The following PCDHGA3 variants were observed in gnomAD, a reference collection of about 807,000 sequenced individuals.
The protein encoded by PCDHGA3 is protocadherin gamma-A3.
In PCDHGA3, 40 loss-of-function variants were observed where a neutral mutation model predicts 58.5. That is an observed-to-expected ratio of 0.68 (90% CI 0.53 to 0.89). The LOEUF (loss-of-function observed/expected upper bound fraction) is 0.89, where lower values mean the gene tolerates loss of function less well. PCDHGA3 is among the 40% of genes least tolerant of loss of function. The probability of loss-of-function intolerance (pLI) is 0.00; values close to 1 mark genes in which losing one functional copy is unlikely to be tolerated. For synonymous variants in PCDHGA3, 530 were observed against 525.7 expected (o/e 1.01, Z -0.11); for missense variants, 1,223 against 1,195.9 (o/e 1.02, Z -0.33).
At chr5:141,420,046 A>G (rs772981030) in intron 1 of PCDHGA3, 6 of 1,614,048 alleles carry the variant, frequency 3.7e-6, no homozygotes, top group South Asian at 1.1e-5. Context: ...GCTTTGAGTC[A>G]GTTCTCTGCT....
intron 1 of PCDHGA3, among the ~76,000 whole-genome samples, chr5:141,469,108 C>A (rs923728484): frequency 4.0e-5 from 6 of 151,768 alleles, no homozygotes; most frequent in Non-Finnish European, 5.9e-5. Context: ...AAGAACCTGT[C>A]TCTAAAAAAA....
intron 1 of PCDHGA3, chr5:141,421,377 C>T (rs1168242339): frequency 1.9e-6 from 3 of 1,613,924 alleles, no homozygotes; most frequent in South Asian, 1.1e-5. Context: ...GCAATATCTC[C>T]AAGGACCTGG....
Position 141,364,556 on chromosome 5 carries a change from G to A in PCDHGA3, c.2424+18099G>A, listed in dbSNP as rs917886359. On this transcript the variant is annotated intron_variant, in intron 1 of 3. Coordinates refer to ENST00000253812, the MANE Select transcript of PCDHGA3 (RefSeq NM_018916.4). The stretch of plus-strand genomic sequence containing the variant: ...CTCCAGAGGTAGGACGCAGCTTTTT[G>A]CCCTGAACCCGCGAAGCGGCAGCTT... 5 of 1,614,048 alleles carry A rather than the reference G, an allele frequency of 3.1e-6. No homozygotes were observed. In the Admixed American group the frequency reaches 8.3e-5, roughly 27 times the overall value.
chr5:141,476,123 C>G lies in PCDHGA3; in HGVS notation c.2425-18684C>G. Reference sequence around the variant, plus strand: ...GGAACTGCTTTTGAGTGAGATGGTCCCAGAGGCCTGGAGGAGCGGACTGGT... The same window carrying G: ...GGAACTGCTTTTGAGTGAGATGGTCGCAGAGGCCTGGAGGAGCGGACTGGT... On this transcript the variant is annotated intron_variant, in intron 1 of 3. Coordinates refer to ENST00000253812, the MANE Select transcript of PCDHGA3 (RefSeq NM_018916.4). This position sits in a 1 kb window ranked among gnomAD's most constrained non-coding sequence, Gnocchi z 7.6. 1 of 1,602,442 alleles carries G rather than the reference C, an allele frequency of 6.2e-7. No individual in the cohort carries two copies. The highest frequency in any genetic ancestry group is 8.5e-7 in the Non-Finnish European group (1 of 1,176,022).
intron 1 of PCDHGA3, chr5:141,371,248 G>A (rs1561550190): frequency 6.2e-7 from 1 of 1,614,024 alleles, no homozygotes; most frequent in Admixed American, 1.7e-5. Context: ...ATCAATATTG[G>A]CAAGGAAGTG....
chr5:141,423,462 C>G, intron 1 of PCDHGA3: 1 of 1,613,924 alleles, frequency 6.2e-7, no homozygotes, highest in Non-Finnish European at 8.5e-7. Flanking sequence ...TAGGCGTGGA[C>G]GGGGTACAGG....
chr5:141,355,320 AG>A (rs1759800188), intron 1 of PCDHGA3: 1 of 1,613,986 alleles, frequency 6.2e-7, no homozygotes, highest in East Asian at 2.2e-5. Context: ...AGGAGCAGGA[AG>A]AAGGCTCAGT....
At chr5:141,371,075 G>A in intron 1 of PCDHGA3, 1 of 1,613,904 alleles carries the variant, frequency 6.2e-7, no homozygotes, top group Non-Finnish European at 8.5e-7. Context: ...GTACCACCCA[G>A]ATCAGGGTAA....
chr5:141,375,447 C>T, intron 1 of PCDHGA3: 1 of 1,614,018 alleles, frequency 6.2e-7, no homozygotes, highest in Non-Finnish European at 8.5e-7. Flanking sequence ...TTCCCCCATT[C>T]ATCCTACTCA....
chr5:141,394,802 C>A, intron 1 of PCDHGA3: 1 of 1,613,810 alleles, frequency 6.2e-7, no homozygotes, highest in East Asian at 2.2e-5. Context: ...TCACCGTAGC[C>A]GTGGCTGACA....
intron 1 of PCDHGA3, chr5:141,365,182 A>G: frequency 6.2e-7 from 1 of 1,613,876 alleles, no homozygotes; most frequent in East Asian, 2.2e-5. Context: ...TTCGCAATGA[A>G]GAAGAAAAAA....
chr5:141,399,278 G>A (rs1373250809), intron 1 of PCDHGA3: 2 of 1,613,792 alleles, frequency 1.2e-6, no homozygotes, highest in African/African-American at 1.3e-5. Context: ...CAATTACAAG[G>A]CGAAGTCCCT....
intron 2 of PCDHGA3, among the ~76,000 whole-genome samples, chr5:141,503,361 C>T (rs1021880248): frequency 6.6e-6 from 1 of 151,886 alleles, no homozygotes; most frequent in Non-Finnish European, 1.5e-5. Context: ...CTTTGGGAAG[C>T]GGAGGCAGGT....
chr5:141,483,870 G>C (rs548525439), intron 1 of PCDHGA3, among the ~76,000 whole-genome samples: 9 of 152,142 alleles, frequency 5.9e-5, no homozygotes, highest in Non-Finnish European at 1.3e-4. Context: ...TCCAGATCAG[G>C]ATGGATTTTT....
intron 1 of PCDHGA3, chr5:141,383,627 C>G: frequency 1.2e-6 from 2 of 1,613,952 alleles, no homozygotes; most frequent in South Asian, 1.1e-5. Context: ...CCTGTCTTCT[C>G]TCTGCCTCAG....
At chr5:141,360,400 A>G (rs748670827) in intron 1 of PCDHGA3, 6 of 1,613,978 alleles carry the variant, frequency 3.7e-6, no homozygotes, top group Non-Finnish European at 5.1e-6. Context: ...TGTGAGTGAC[A>G]GAATAGACCG....
chr5:141,409,286 C>T (rs1304936825), intron 1 of PCDHGA3: 1 of 1,613,826 alleles, frequency 6.2e-7, no homozygotes, highest in African/African-American at 1.3e-5. Context: ...GAATTCACCT[C>T]CAGGAATGGT....
chr5:141,370,887 A>G, intron 1 of PCDHGA3: 1 of 1,614,024 alleles, frequency 6.2e-7, no homozygotes, highest in South Asian at 1.1e-5. Context: ...TGTAGGTGTC[A>G]ATTCGCTGCA....
At chr5:141,407,932 C>T (rs1465007397) in intron 1 of PCDHGA3, 7 of 504,268 alleles carry the variant, frequency 1.4e-5, no homozygotes, top group Non-Finnish European at 2.0e-5. Context: ...CACGGAGCCT[C>T]TGGGCGCCGC....
Sources: gnomAD v4.1 joint callset for allele counts (sites outside exome capture counted in the v4.1 genomes callset) on GRCh38, gnomAD v4.1.1 for gene constraint, Gnocchi (gnomAD v3.1) non-coding constraint, MANE v1.5 for transcripts, NCBI Gene and HGNC (gene_info 2026-07-23, HGNC 2026-07-21) for gene names.